The following LRP1B variants were observed in gnomAD, a reference collection of about 807,000 sequenced individuals.
The protein encoded by LRP1B is low-density lipoprotein receptor-related protein 1B.
In LRP1B, 217 loss-of-function variants were observed where a neutral mutation model predicts 556.6. That is an observed-to-expected ratio of 0.39 (90% CI 0.35 to 0.44). LRP1B has a LOEUF of 0.44. Among genes scored for constraint, LRP1B ranks in the 20% least tolerant of loss-of-function variants. The pLI, the probability that LRP1B is intolerant of heterozygous loss-of-function variation, is 1.00. For synonymous variants in LRP1B, 2,047 were observed against 1,865.8 expected (o/e 1.10, Z -2.50); for missense variants, 5,053 against 5,620.8 (o/e 0.90, Z 3.23).
At chr2:142,072,958 C>T (rs1458498897) in intron 1 of LRP1B, among the ~76,000 whole-genome samples, 1 of 151,988 alleles carries the variant, frequency 6.6e-6, no homozygotes, top group African/African-American at 2.4e-5. Flanking sequence ...AGTTATTTTG[C>T]TCTTGCATCC....
intron 1 of LRP1B, among the ~76,000 whole-genome samples, chr2:141,962,119 A>G (rs1003427163): frequency 6.6e-6 from 1 of 151,754 alleles, no homozygotes; most frequent in Non-Finnish European, 1.5e-5. Flanking sequence ...TGACAATTTC[A>G]TATGGTTCAG....
At chr2:141,562,141 A>G (rs768053269) in intron 2 of LRP1B, among the ~76,000 whole-genome samples, 4 of 151,976 alleles carry the variant, frequency 2.6e-5, no homozygotes, top group Non-Finnish European at 5.9e-5. Flanking sequence ...GGTAAGTTAT[A>G]TAAAAGAGGA....
intron 3 of LRP1B, among the ~76,000 whole-genome samples, chr2:141,459,969 C>A (rs1681796546): frequency 6.6e-6 from 1 of 152,044 alleles, no homozygotes; most frequent in African/African-American, 2.4e-5. Flanking sequence ...ATTTGTGTCA[C>A]CATAGTAAAA....
chr2:141,972,294 A>G (rs1701764909), intron 1 of LRP1B, among the ~76,000 whole-genome samples: 1 of 151,570 alleles, frequency 6.6e-6, no homozygotes, highest in African/African-American at 2.4e-5. Context: ...TGAGTATACA[A>G]ATATTTAACT....
intron 84 of LRP1B, among the ~76,000 whole-genome samples, chr2:140,274,819 G>C (rs888617852): frequency 1.3e-5 from 2 of 148,618 alleles, no homozygotes; most frequent in Non-Finnish European, 1.5e-5. Context: ...AGCTTATATT[G>C]CTATAATGCT....
intron 41 of LRP1B, among the ~76,000 whole-genome samples, chr2:140,650,832 G>A (rs1020495333): frequency 1.3e-5 from 2 of 152,148 alleles, no homozygotes; most frequent in Non-Finnish European, 2.9e-5. Flanking sequence ...AATAGTGAGA[G>A]AGATTTCCCC....
chr2:140,961,397 T>C lies in LRP1B; in HGVS notation c.2888-9457A>G, dbSNP rs528205129. Among the ~76,000 whole-genome samples the C allele has an allele frequency of 1.4e-4, 22 of 152,120 alleles. No individual in the cohort carries two copies. In the East Asian group the frequency reaches 4.1e-3, roughly 28 times the overall value. Reference sequence around the variant, plus strand: ...GTCGCAATAGCTTCCAAAGAAAGAATATCACACAGACTTTTTCTCCTACCA... The same window carrying C: ...GTCGCAATAGCTTCCAAAGAAAGAACATCACACAGACTTTTTCTCCTACCA... On this transcript the variant is annotated intron_variant, in intron 18 of 90. Coordinates refer to ENST00000389484, the MANE Select transcript of LRP1B (RefSeq NM_018557.3).
At chr2:141,651,410 T>A (rs1689785913) in intron 2 of LRP1B, among the ~76,000 whole-genome samples, 1 of 152,182 alleles carries the variant, frequency 6.6e-6, no homozygotes, top group Non-Finnish European at 1.5e-5. Flanking sequence ...ACGCCTGTAA[T>A]CCCAGGACTT....
At chr2:140,405,726 G>A (rs189933937) in intron 66 of LRP1B, among the ~76,000 whole-genome samples, 1 of 152,090 alleles carries the variant, frequency 6.6e-6, no homozygotes, top group Non-Finnish European at 1.5e-5. Context: ...ACAGCAAAAA[G>A]CCCAGAACCA....
At chr2:142,018,038 A>G (rs1033435600) in intron 1 of LRP1B, among the ~76,000 whole-genome samples, 1 of 151,676 alleles carries the variant, frequency 6.6e-6, no homozygotes, top group Admixed American at 6.6e-5. Context: ...ATGCATTTCA[A>G]TTGTCTGTCA....
chr2:140,503,161 C>A (rs2104897018), intron 53 of LRP1B, 58 bp from the exon 54 acceptor site: 1 of 1,483,838 alleles, frequency 6.7e-7, no homozygotes, highest in South Asian at 1.1e-5. Flanking sequence ...ATTGAAACGT[C>A]ATCTCCTCAA....
At chr2:141,331,541 T>TTTCCTTCTTTCTTTCTTTCTTTC (rs1687657069) in intron 3 of LRP1B, among the ~76,000 whole-genome samples, 2 of 144,646 alleles carry the variant, frequency 1.4e-5, no homozygotes, top group African/African-American at 5.5e-5. Context: ...TCTTTCTTTC[T>TTTCCTTCTTTCTTTCTTTCTTTC]TTCTTTCTTT....
chr2:140,677,949 C>A (rs1321385372), intron 41 of LRP1B, among the ~76,000 whole-genome samples: 1 of 150,354 alleles, frequency 6.7e-6, no homozygotes, highest in Non-Finnish European at 1.5e-5. Context: ...TGGCATTGTT[C>A]TATGCACTTG....
chr2:140,299,606 GA>G (rs1683737598), intron 83 of LRP1B, among the ~76,000 whole-genome samples: 1 of 151,876 alleles, frequency 6.6e-6, no homozygotes, highest in Non-Finnish European at 1.5e-5. Flanking sequence ...TGTTGATATA[GA>G]AACACAGTAT....
intron 6 of LRP1B, among the ~76,000 whole-genome samples, chr2:141,200,479 C>A (rs548355309): frequency 6.6e-6 from 1 of 151,656 alleles, no homozygotes; most frequent in Non-Finnish European, 1.5e-5. Context: ...CATTACTTAG[C>A]CCTCAAGACA....
chr2:141,497,702 T>C (rs888651640), intron 2 of LRP1B, among the ~76,000 whole-genome samples: 3 of 152,054 alleles, frequency 2.0e-5, no homozygotes, highest in Non-Finnish European at 4.4e-5. Flanking sequence ...AGGTGTCCAC[T>C]AGGCCTGAAC....
At chr2:140,504,452 A>G (rs1240525830) in intron 53 of LRP1B, among the ~76,000 whole-genome samples, 1 of 152,066 alleles carries the variant, frequency 6.6e-6, no homozygotes, top group Non-Finnish European at 1.5e-5. Flanking sequence ...CCTAACTTCA[A>G]TCTTCAGTCT....
chr2:141,863,875 C>A (rs1239309644), intron 1 of LRP1B, among the ~76,000 whole-genome samples: 6 of 152,066 alleles, frequency 3.9e-5, no homozygotes, highest in Admixed American at 3.9e-4. Context: ...TAGTAATTAA[C>A]AATGAATGAA....
chr2:140,796,541 T>C (rs1404079971), intron 32 of LRP1B, among the ~76,000 whole-genome samples: 1 of 152,124 alleles, frequency 6.6e-6, no homozygotes, highest in Non-Finnish European at 1.5e-5. Flanking sequence ...AAGACAACTA[T>C]GTACTGTACT....
Sources: gnomAD v4.1 joint callset for allele counts (sites outside exome capture counted in the v4.1 genomes callset) on GRCh38, gnomAD v4.1.1 for gene constraint, MANE v1.5 for transcripts, NCBI Gene and HGNC (gene_info 2026-07-23, HGNC 2026-07-21) for gene names.